Variants in LPP observed in about 807,000 individuals in gnomAD.
LPP encodes lipoma-preferred partner.
A neutral mutation model predicts 60.4 loss-of-function variants in LPP; 38 were observed. That is an observed-to-expected ratio of 0.63 (90% CI 0.49 to 0.83). The LOEUF (loss-of-function observed/expected upper bound fraction) is 0.83. Ranked by LOEUF, LPP falls within the 40% of genes least tolerant of loss-of-function variation. LPP has a pLI of 0.00. For synonymous variants in LPP, 328 were observed against 290.8 expected (o/e 1.13, Z -1.30); for missense variants, 902 against 783.6 (o/e 1.15, Z -1.80).
At chr3:188,565,784 G>T (rs1467641710) in intron 6 of LPP, among the ~76,000 whole-genome samples, 2 of 151,968 alleles carry the variant, frequency 1.3e-5, no homozygotes, top group Non-Finnish European at 2.9e-5. Context: ...GATAACTTCA[G>T]AGAGACTTTG....
intron 6 of LPP, among the ~76,000 whole-genome samples, chr3:188,563,052 C>T (rs1254400860): frequency 1.3e-5 from 2 of 151,774 alleles, no homozygotes; most frequent in Non-Finnish European, 1.5e-5. Context: ...AATCATCATC[C>T]CACTATTACA....
chr3:188,718,878 T>G (rs1266483945), intron 8 of LPP, among the ~76,000 whole-genome samples: 2 of 152,192 alleles, frequency 1.3e-5, no homozygotes, highest in Non-Finnish European at 2.9e-5. Flanking sequence ...CTTAAGAGAC[T>G]AGGAAAACCT....
At chr3:188,809,534 G>T (rs533609202) in intron 9 of LPP, among the ~76,000 whole-genome samples, 24 of 151,974 alleles carry the variant, frequency 1.6e-4, no homozygotes, top group African/African-American at 5.5e-4. Flanking sequence ...AAGTTGTTTG[G>T]TTTTTTCTTA....
chr3:188,422,959 T>TGTG (rs1788250480), intron 4 of LPP, among the ~76,000 whole-genome samples: 2 of 98,654 alleles, frequency 2.0e-5, no homozygotes, highest in Non-Finnish European at 4.6e-5. Flanking sequence ...GTGTGTGTGT[T>TGTG]TTAATTGTAC....
chr3:188,438,400 C>CAG (rs1792911851), intron 4 of LPP, among the ~76,000 whole-genome samples: 2 of 148,280 alleles, frequency 1.3e-5, no homozygotes, highest in African/African-American at 2.5e-5. Flanking sequence ...CACACACACA[C>CAG]AGTCTCATTT....
intron 2 of LPP, among the ~76,000 whole-genome samples, chr3:188,318,750 A>ATTTTTTTTTTTTTT (rs1578073052): frequency 8.3e-5 from 10 of 120,510 alleles, no homozygotes; most frequent in Non-Finnish European, 1.4e-4. Flanking sequence ...AAAAATTATG[A>ATTTTTTTTTTTTTT]TTCTTTTTTT....
At chr3:188,389,272 T>C (rs373663531) in intron 3 of LPP, among the ~76,000 whole-genome samples, 2 of 149,430 alleles carry the variant, frequency 1.3e-5, no homozygotes, top group South Asian at 2.1e-4. Context: ...AGCTTTGTGA[T>C]ATCTACACCC....
chr3:188,358,777 C>T (rs891808497), intron 3 of LPP, among the ~76,000 whole-genome samples: 1 of 152,122 alleles, frequency 6.6e-6, no homozygotes, highest in Non-Finnish European at 1.5e-5. Flanking sequence ...AAAGCATATT[C>T]GCAATCTCTC....
At position 188,609,513 on chromosome 3, in the gene LPP, A is replaced by C. The variant is rs1323742136; in HGVS notation, c.782A>C (p.Gln261Pro). ...ACTCAGCCAGTTCCTGTCTCTGGGCAGTGTCCACCTCCTTCAACACGGGGA... is the reference window on the plus strand; with the variant it reads ...ACTCAGCCAGTTCCTGTCTCTGGGCCGTGTCCACCTCCTTCAACACGGGGA... ...YNTQPVPVSG[Q>P]CPPPSTRGGM... The change falls in exon 7 of 12, where the codon CAG (glutamine) becomes CCG (proline). Residue 261 changes from glutamine (Q) to proline (P), a missense_variant. Physicochemically the swap from Gln to Pro is moderately conservative, Grantham distance 76. Coordinates refer to ENST00000617246, the MANE Select transcript of LPP (RefSeq NM_001375462.1). The surrounding 1 kb of genome is among the most constrained non-coding windows in gnomAD (Gnocchi z 6.9). 8.1e-6 allele frequency: 13 copies of C among 1,613,946 alleles called. No individual in the cohort carries two copies. Among genetic ancestry groups the C allele is most frequent in the African/African-American group, 1.3e-5 (1 of 74,864 alleles).
chr3:188,181,843 C>T (rs1450396047), intron 1 of LPP, among the ~76,000 whole-genome samples: 2 of 152,202 alleles, frequency 1.3e-5, no homozygotes, highest in African/African-American at 4.8e-5. Context: ...CTGCCTCAGC[C>T]TCCCAAGTAG....
chr3:188,422,462 T>C (rs1242105188), intron 4 of LPP, among the ~76,000 whole-genome samples: 1 of 152,176 alleles, frequency 6.6e-6, no homozygotes, highest in African/African-American at 2.4e-5. Flanking sequence ...CACAGCTTTT[T>C]CTTTGATATA....
At chr3:188,665,244 T>G (rs1055212766) in intron 7 of LPP, among the ~76,000 whole-genome samples, 4 of 152,174 alleles carry the variant, frequency 2.6e-5, no homozygotes, top group Non-Finnish European at 5.9e-5. Flanking sequence ...GCTACAGGCA[T>G]TCAATACCCC....
intron 3 of LPP, among the ~76,000 whole-genome samples, chr3:188,386,530 C>G (rs1778351986): frequency 6.6e-6 from 1 of 152,130 alleles, no homozygotes; most frequent in Non-Finnish European, 1.5e-5. Flanking sequence ...GTATATAAAC[C>G]TCTTTTGCCC....
chr3:188,811,135 A>T (rs1289481981), intron 9 of LPP, among the ~76,000 whole-genome samples: 1 of 152,098 alleles, frequency 6.6e-6, no homozygotes, highest in Non-Finnish European at 1.5e-5. Flanking sequence ...TTATTGATAT[A>T]AAAATTTTCA....
At chr3:188,769,806 A>G (rs771077763) in intron 9 of LPP, among the ~76,000 whole-genome samples, 1 of 152,194 alleles carries the variant, frequency 6.6e-6, no homozygotes, top group Non-Finnish European at 1.5e-5. Flanking sequence ...TGCTGAGATT[A>G]GTAAGATTTT....
At chr3:188,160,733 G>A (rs968774582) in intron 1 of LPP, among the ~76,000 whole-genome samples, 2 of 152,188 alleles carry the variant, frequency 1.3e-5, no homozygotes, top group Non-Finnish European at 2.9e-5. Context: ...CTGTATGCCA[G>A]GCAGAAATGC....
chr3:188,395,631 T>C (rs950495982), intron 3 of LPP, among the ~76,000 whole-genome samples: 1 of 152,128 alleles, frequency 6.6e-6, no homozygotes, highest in South Asian at 2.1e-4. Flanking sequence ...ATTAATTCAA[T>C]AATAGTAATT....
intron 2 of LPP, among the ~76,000 whole-genome samples, chr3:188,305,241 A>G (rs1751151287): frequency 1.3e-5 from 2 of 152,204 alleles, no homozygotes; most frequent in East Asian, 3.8e-4. Flanking sequence ...ATTGTTAGGA[A>G]AAGGTCAGTG....
chr3:188,204,712 A>T (rs1227541420), intron 1 of LPP, among the ~76,000 whole-genome samples: 1 of 152,134 alleles, frequency 6.6e-6, no homozygotes, highest in East Asian at 1.9e-4. Context: ...TGGCTGGTTG[A>T]TGTGGAAGTC....
Sources: gnomAD v4.1 joint callset for allele counts (sites outside exome capture counted in the v4.1 genomes callset) on GRCh38, gnomAD v4.1.1 for gene constraint, Gnocchi (gnomAD v3.1) non-coding constraint, MANE v1.5 for transcripts, NCBI Gene and HGNC (gene_info 2026-07-23, HGNC 2026-07-21) for gene names.